PTPRK: variants seen among roughly 807,000 people sequenced by gnomAD.
The protein encoded by PTPRK is receptor-type tyrosine-protein phosphatase kappa.
PTPRK carries 75 observed loss-of-function variants against 178.0 expected under a neutral mutation model. That is an observed-to-expected ratio of 0.42 (90% CI 0.35 to 0.51). The LOEUF (loss-of-function observed/expected upper bound fraction) is 0.51, where lower values mean the gene tolerates loss of function less well. Among genes scored for constraint, PTPRK ranks in the 20% least tolerant of loss-of-function variants. The probability of loss-of-function intolerance (pLI) is 0.02; values close to 1 mark genes in which losing one functional copy is unlikely to be tolerated. For missense variants in PTPRK, 1,441 were observed against 1,797.8 expected (o/e 0.80, Z 3.59); for synonymous variants, 637 against 620.6 (o/e 1.03, Z -0.39).
chr6:128,448,793 A>G (rs1847364005), intron 1 of PTPRK, among the ~76,000 whole-genome samples: 1 of 152,212 alleles, frequency 6.6e-6, no homozygotes, highest in South Asian at 2.1e-4. Flanking sequence ...TAAGTGGCAA[A>G]GATGACATCA....
intron 7 of PTPRK, among the ~76,000 whole-genome samples, chr6:128,161,668 G>A (rs1467769405): frequency 6.6e-6 from 1 of 151,482 alleles, no homozygotes; most frequent in African/African-American, 2.4e-5. Flanking sequence ...GTATATGTGG[G>A]TGCTGACAGA....
chr6:128,404,693 T>C (rs1231031166), intron 1 of PTPRK, among the ~76,000 whole-genome samples: 2 of 152,220 alleles, frequency 1.3e-5, no homozygotes, highest in Admixed American at 1.3e-4. Flanking sequence ...TTATTGGAGC[T>C]AATGGGTAAT....
intron 16 of PTPRK, among the ~76,000 whole-genome samples, chr6:127,998,346 C>T (rs1277939709): frequency 6.6e-6 from 1 of 151,998 alleles, no homozygotes; most frequent in Non-Finnish European, 1.5e-5. Flanking sequence ...CAGAGAAGTA[C>T]CTGCTACTTG....
chr6:128,110,620 A>C (rs530930905), intron 7 of PTPRK, among the ~76,000 whole-genome samples: 18 of 143,600 alleles, frequency 1.3e-4, no homozygotes, highest in African/African-American at 4.8e-4. Context: ...AGATAGAAGT[A>C]AAAAAAAAAA....
chr6:128,266,159 C>T (rs1177622699), intron 3 of PTPRK, among the ~76,000 whole-genome samples: 1 of 152,110 alleles, frequency 6.6e-6, no homozygotes, highest in Non-Finnish European at 1.5e-5. Context: ...CACACATTTT[C>T]TTGCAGGAAG....
chr6:128,233,953 T>C (rs1812765489), intron 5 of PTPRK, among the ~76,000 whole-genome samples: 1 of 152,214 alleles, frequency 6.6e-6, no homozygotes, highest in Admixed American at 6.5e-5. Flanking sequence ...AGTATTTTAG[T>C]TTCTACACCG....
chr6:128,234,344 T>C (rs1392988673), intron 5 of PTPRK, among the ~76,000 whole-genome samples: 1 of 152,198 alleles, frequency 6.6e-6, no homozygotes, highest in African/African-American at 2.4e-5. Context: ...ATTTGTGTCT[T>C]ATTCAGGTAA....
At chr6:128,352,253 C>CAAAA (rs10665459) in intron 2 of PTPRK, among the ~76,000 whole-genome samples, 54 of 94,736 alleles carry the variant, frequency 5.7e-4, no homozygotes, top group East Asian at 1.3e-3. Context: ...GACTTCATCT[C>CAAAA]AAAAAAAAAA....
chr6:128,407,633 CAAAAAAAAAAAA>C (rs56189580), intron 1 of PTPRK, among the ~76,000 whole-genome samples: 4 of 97,794 alleles, frequency 4.1e-5, no homozygotes, highest in Admixed American at 1.2e-4. Context: ...AAGACCCTAT[CAAAAAAAAAAAA>C]AAAAAAAAAA....
intron 13 of PTPRK, among the ~76,000 whole-genome samples, chr6:128,041,346 C>T (rs967433393): frequency 1.3e-5 from 2 of 151,912 alleles, no homozygotes; most frequent in African/African-American, 4.8e-5. Context: ...TGAAGTAATC[C>T]ACATTTCATT....
At chr6:128,448,123 C>T (rs572142618) in intron 1 of PTPRK, among the ~76,000 whole-genome samples, 1 of 152,156 alleles carries the variant, frequency 6.6e-6, no homozygotes, top group Non-Finnish European at 1.5e-5. Context: ...TCACCTCTAA[C>T]GCACGTACAC....
At chr6:128,324,403 A>G (rs761893310) in intron 2 of PTPRK, among the ~76,000 whole-genome samples, 1 of 152,066 alleles carries the variant, frequency 6.6e-6, no homozygotes, top group Non-Finnish European at 1.5e-5. Flanking sequence ...TATAAAGACC[A>G]TTTAGGAATT....
At chr6:128,509,559 A>AATTTAC (rs1856876607) in intron 1 of PTPRK, among the ~76,000 whole-genome samples, 1 of 152,084 alleles carries the variant, frequency 6.6e-6, no homozygotes, top group Admixed American at 6.6e-5. Flanking sequence ...TTCCTAACAA[A>AATTTAC]ATTTACATTT....
At chr6:128,107,953 C>G (rs1789993213) in intron 7 of PTPRK, among the ~76,000 whole-genome samples, 2 of 152,062 alleles carry the variant, frequency 1.3e-5, no homozygotes, top group Admixed American at 1.3e-4. Context: ...TTTCATTTGT[C>G]AACCATCTCA....
intron 29 of PTPRK, among the ~76,000 whole-genome samples, chr6:127,971,458 C>T (rs900795573): frequency 5.3e-5 from 8 of 152,034 alleles, no homozygotes; most frequent in Admixed American, 3.9e-4. Flanking sequence ...TCAAATTCAC[C>T]TACCACTGTG....
In PTPRK at chr6:128,082,592, G is replaced by C. The variant is rs764870951; in HGVS notation, c.1622C>G (p.Ala541Gly). 38 of 1,612,548 alleles carry C rather than the reference G, an allele frequency of 2.4e-5. No individual in the cohort carries two copies. In the South Asian group the frequency reaches 4.1e-4, roughly 17 times the overall value. The change falls in exon 10 of 30, where the codon GCT (alanine) becomes GGT (glycine). Residue 541 changes from alanine (A) to glycine (G), a missense_variant. By Grantham distance (60) the Ala-to-Gly change is moderately conservative (BLOSUM62 0). This residue lies in a region of PTPRK where 945 missense variants were observed against 1,080.6 expected (regional missense o/e 0.87). Coordinates refer to ENST00000368226, the MANE Select transcript of PTPRK (RefSeq NM_002844.4). Reference protein sequence around the residue: ...IRSFDPAVPVAGPPQTVSNLW... With the variant: ...IRSFDPAVPVGGPPQTVSNLW... ...ATTTGATACAGTCTGGGGAGGTCCA[G>C]CCACTGGAACTGCAGGATCAAATGA...
chr6:128,424,999 G>A (rs1382973061), intron 1 of PTPRK, among the ~76,000 whole-genome samples: 2 of 150,382 alleles, frequency 1.3e-5, no homozygotes, highest in African/African-American at 2.4e-5. Context: ...TTGATTACAT[G>A]AATAAGTTCT....
intron 13 of PTPRK, among the ~76,000 whole-genome samples, chr6:128,046,076 AC>A (rs2114853890): frequency 6.6e-6 from 1 of 152,292 alleles, no homozygotes; most frequent in Admixed American, 6.5e-5. Context: ...TTAGTGCCTA[AC>A]AAAAGTCAGT....
intron 3 of PTPRK, among the ~76,000 whole-genome samples, chr6:128,291,783 T>G (rs1421983415): frequency 6.6e-6 from 1 of 152,138 alleles, no homozygotes; most frequent in African/African-American, 2.4e-5. Context: ...ACACAATACA[T>G]TCTCAATTTC....
Sources: gnomAD v4.1 joint callset for allele counts (sites outside exome capture counted in the v4.1 genomes callset) on GRCh38, gnomAD v4.1.1 for gene constraint, gnomAD v4.1.1 regional missense constraint, MANE v1.5 for transcripts, NCBI Gene and HGNC (gene_info 2026-07-23, HGNC 2026-07-21) for gene names.